Variants in ANKRD36 observed in about 807,000 individuals in gnomAD.
ANKRD36 encodes the protein ankyrin repeat domain-containing protein 36A.
ANKRD36 carries 179 observed loss-of-function variants against 278.1 expected under a neutral mutation model. The observed-to-expected ratio is 0.64, with a 90% CI of 0.57 to 0.73. The LOEUF (loss-of-function observed/expected upper bound fraction) is 0.73, where lower values mean the gene tolerates loss of function less well. Among genes scored for constraint, ANKRD36 ranks in the 30% least tolerant of loss-of-function variants. The pLI is 0.00. For missense variants in ANKRD36, 1,159 were observed against 1,956.7 expected, an observed-to-expected ratio of 0.59 and a Z score of 7.69; for synonymous variants, 320 against 641.1, an observed-to-expected ratio of 0.50 and a Z score of 7.57.
chr2:97,202,075 G>A (rs1402911678), intron 46 of ANKRD36, 127 bp from the exon 47 acceptor site: 1 of 1,543,444 alleles, frequency 6.5e-7, no homozygotes, highest in Non-Finnish European at 8.7e-7. Flanking sequence ...CAGACACAAA[G>A]TAGAAGCCAT....
At chr2:97,185,651 C>G in intron 30 of ANKRD36, 141 bp downstream of exon 30, 2 of 1,115,550 alleles carry the variant, frequency 1.8e-6, no homozygotes, top group Non-Finnish European at 1.3e-6. Flanking sequence ...GTAATAAGTT[C>G]TCGGGTGATG....
chr2:97,180,457 G>A (rs1205534420), intron 24 of ANKRD36, among the ~76,000 whole-genome samples: 1 of 151,446 alleles, frequency 6.6e-6, no homozygotes, highest in Non-Finnish European at 1.5e-5. Flanking sequence ...TTTCTGCTGA[G>A]GAAACCTGAG....
intron 44 of ANKRD36, among the ~76,000 whole-genome samples, 195 bp from the exon 45 acceptor site, chr2:97,200,139 G>A (rs1427093325): frequency 2.0e-5 from 3 of 151,840 alleles, no homozygotes; most frequent in Non-Finnish European, 4.4e-5. Flanking sequence ...TCGTAAGGGT[G>A]TATTTCACAG....
intron 6 of ANKRD36, among the ~76,000 whole-genome samples, chr2:97,142,109 C>G (rs564290917): frequency 9.2e-5 from 14 of 152,386 alleles, no homozygotes; most frequent in African/African-American, 3.1e-4. Flanking sequence ...TATATCCAAG[C>G]TGATCAATTT....
intron 54 of ANKRD36, among the ~76,000 whole-genome samples, chr2:97,208,216 A>G (rs1216205655): frequency 1.4e-5 from 2 of 146,558 alleles, no homozygotes; most frequent in African/African-American, 2.7e-5. Flanking sequence ...CCCCACATTG[A>G]AATTGGGAAG....
rs1220747433 is a variant in ANKRD36, at chr2:97,207,231, G to T, written c.3164-580G>T. 4.6e-5 allele frequency among the ~76,000 whole-genome samples: 7 copies of T among 151,374 alleles called. 1 individual carries two copies. The highest frequency in any genetic ancestry group is 3.9e-4 in the East Asian group (2 of 5,130). The stretch of plus-strand genomic sequence containing the variant: ...TAGGCAGATTATTGCACCATATGGG[G>T]GTGAGAGATAATGAATATTATCTAC... On this transcript the variant is annotated intron_variant, in intron 52 of 75. Coordinates refer to ENST00000420699, the MANE Select transcript of ANKRD36 (RefSeq NM_001354587.1).
At chr2:97,209,420 G>T (rs2063751234) in intron 54 of ANKRD36, among the ~76,000 whole-genome samples, 1 of 146,496 alleles carries the variant, frequency 6.8e-6, no homozygotes, top group Non-Finnish European at 1.5e-5. Flanking sequence ...TCCACATTGA[G>T]ATTGACACGG....
intron 56 of ANKRD36, among the ~76,000 whole-genome samples, chr2:97,210,230 T>G (rs1415299467): frequency 6.6e-6 from 1 of 151,860 alleles, no homozygotes; most frequent in Non-Finnish European, 1.5e-5. Context: ...CACATCGTAC[T>G]GCTAAAAACA....
rs748745978 is a variant in ANKRD36 at position 97,185,296 on chromosome 2, G to A, written c.1940-20G>A. 5.7e-6 allele frequency: 9 copies of A among 1,592,778 alleles called. No individual in the cohort carries two copies. In the Admixed American group the frequency reaches 1.3e-4, roughly 24 times the overall value. On this transcript the variant is annotated intron_variant, in intron 28 of 75. Coordinates refer to ENST00000420699, the MANE Select transcript of ANKRD36 (RefSeq NM_001354587.1). ...ATCATATTTACATATGAGTGATTAT[G>A]TATCCCTTTTGCTTTTCAGTGTCTT...
Position 97,219,247 on chromosome 2 carries a change from G to A in ANKRD36, c.3877+1G>A, listed in dbSNP as rs2066742247. ...AAGGATGTACAAACATCCACACCAG[G>A]TAAACTTTGCATTGTAGATTTAACT... On this transcript the variant is annotated splice_donor_variant, in intron 66 of 75. Transcript: ENST00000420699. LOFTEE classifies it high-confidence loss of function. The A allele has an allele frequency of 6.4e-7, 1 of 1,564,220 alleles. No homozygotes were observed. Among genetic ancestry groups the A allele is most frequent in the East Asian group, 2.4e-5 (1 of 41,680 alleles).
At chr2:97,199,992 G>A (rs2060877336) in intron 44 of ANKRD36, among the ~76,000 whole-genome samples, 1 of 151,858 alleles carries the variant, frequency 6.6e-6, no homozygotes, top group Non-Finnish European at 1.5e-5. Context: ...CACCTGTTTT[G>A]ACATTGATTC....
chr2:97,170,266 A>G (rs2052042307), intron 22 of ANKRD36, among the ~76,000 whole-genome samples: 1 of 151,926 alleles, frequency 6.6e-6, no homozygotes, highest in Admixed American at 6.6e-5. Flanking sequence ...ACCTTATACA[A>G]AAATTAACGG....
intron 1 of ANKRD36, among the ~76,000 whole-genome samples, chr2:97,116,209 A>T (rs1369142652): frequency 2.6e-5 from 4 of 152,168 alleles, no homozygotes; most frequent in Non-Finnish European, 5.9e-5. Flanking sequence ...TGGAAAAAGA[A>T]GAAATATAAA....
At chr2:97,147,546 A>G (rs56226520) in intron 11 of ANKRD36, among the ~76,000 whole-genome samples, 83,652 of 150,448 alleles carry the variant, frequency 0.56, 28,849 homozygotes, top group Non-Finnish European at 0.78. Flanking sequence ...TCAAAGAGAG[A>G]AAATTATTTG....
intron 67 of ANKRD36, among the ~76,000 whole-genome samples, chr2:97,226,451 T>C (rs1227023700): frequency 4.0e-5 from 6 of 148,996 alleles, no homozygotes; most frequent in Non-Finnish European, 7.4e-5. Context: ...TCATGTCCTT[T>C]GCCCACTTTT....
intron 22 of ANKRD36, among the ~76,000 whole-genome samples, chr2:97,173,779 G>C (rs1432479411): frequency 6.6e-5 from 10 of 151,860 alleles, no homozygotes; most frequent in East Asian, 1.9e-4. Context: ...GCAGAAGTTA[G>C]AAGGATGAGG....
At chr2:97,174,408 T>C (rs983701038) in intron 22 of ANKRD36, among the ~76,000 whole-genome samples, 1 of 151,600 alleles carries the variant, frequency 6.6e-6, no homozygotes, top group African/African-American at 2.4e-5. Context: ...TAAACCACAG[T>C]GACTCATTGC....
chr2:97,168,294 C>T (rs2051349522), intron 22 of ANKRD36, among the ~76,000 whole-genome samples: 1 of 152,250 alleles, frequency 6.6e-6, no homozygotes, highest in Non-Finnish European at 1.5e-5. Context: ...TGTGTGATAC[C>T]TCTGATTCTG....
chr2:97,205,919 T>C (rs1306963877), intron 50 of ANKRD36, 21 bp from the exon 51 acceptor site: 1 of 1,545,024 alleles, frequency 6.5e-7, no homozygotes, highest in Non-Finnish European at 8.7e-7. Context: ...TGACTGATTA[T>C]GAATCACTTT....
Sources: allele counts gnomAD v4.1 joint callset (sites outside exome capture counted in the v4.1 genomes callset), GRCh38; gene constraint gnomAD v4.1.1; transcripts MANE v1.5; gene names NCBI Gene and HGNC (gene_info 2026-07-23, HGNC 2026-07-21).